The following MTA3 variants were observed in gnomAD, a reference collection of about 807,000 sequenced individuals.
MTA3 encodes metastasis-associated protein MTA3.
Under a neutral mutation model 83.5 loss-of-function variants are expected in MTA3, and 34 were observed. That is an observed-to-expected ratio of 0.41 (90% CI 0.31 to 0.54). MTA3 has a LOEUF of 0.54. Ranked by LOEUF, MTA3 falls within the 20% of genes least tolerant of loss-of-function variation. MTA3 has a pLI of 0.33. For missense variants in MTA3, 761 were observed against 726.4 expected, an observed-to-expected ratio of 1.05 and a Z score of -0.55; for synonymous variants, 303 against 252.7, an observed-to-expected ratio of 1.20 and a Z score of -1.89.
chr2:42,520,035 C>A (rs1675348664), intron 2 of MTA3, among the ~76,000 whole-genome samples: 1 of 152,040 alleles, frequency 6.6e-6, no homozygotes, highest in Non-Finnish European at 1.5e-5. Context: ...AGAGCCAGAC[C>A]TTGTCTCAAA....
chr2:42,506,894 A>G (rs1234415462), intron 2 of MTA3, among the ~76,000 whole-genome samples: 1 of 151,912 alleles, frequency 6.6e-6, no homozygotes, highest in African/African-American at 2.4e-5. Flanking sequence ...GGTGTGAGCC[A>G]CCGCGCCTGG....
At chr2:42,664,846 C>G (rs991396355) in intron 8 of MTA3, among the ~76,000 whole-genome samples, 1 of 152,038 alleles carries the variant, frequency 6.6e-6, no homozygotes, top group African/African-American at 2.4e-5. Flanking sequence ...AATCTGACAT[C>G]GATTTATCCG....
intron 2 of MTA3, among the ~76,000 whole-genome samples, chr2:42,570,772 A>T (rs1323836881): frequency 6.6e-6 from 1 of 152,050 alleles, no homozygotes; most frequent in African/African-American, 2.4e-5. Flanking sequence ...GCACTCTGGG[A>T]GGCTGAGGCG....
intron 9 of MTA3, among the ~76,000 whole-genome samples, chr2:42,695,191 CG>C (rs1196178028): frequency 6.6e-6 from 1 of 151,778 alleles, no homozygotes; most frequent in African/African-American, 2.4e-5. Context: ...AATGTATAAA[CG>C]GAATGAGAAA....
intron 2 of MTA3, among the ~76,000 whole-genome samples, chr2:42,530,364 G>GT (rs1348810676): frequency 6.6e-6 from 1 of 152,114 alleles, no homozygotes; most frequent in Non-Finnish European, 1.5e-5. Flanking sequence ...GCGGGCGCAT[G>GT]TAGTCCCAGC....
chr2:42,709,170 T>G, intron 14 of MTA3, 74 bp downstream of exon 14: 2 of 1,499,738 alleles, frequency 1.3e-6, no homozygotes. Context: ...CTTTCCTTTT[T>G]TTTTTGTTTG....
intron 2 of MTA3, among the ~76,000 whole-genome samples, chr2:42,548,108 T>C (rs1053879873): frequency 3.3e-5 from 5 of 152,202 alleles, no homozygotes; most frequent in Non-Finnish European, 7.3e-5. Context: ...CCCGTGACAT[T>C]ACAATCATCC....
chr2:42,575,202 G>A (rs1007308197), intron 2 of MTA3, among the ~76,000 whole-genome samples: 3 of 152,194 alleles, frequency 2.0e-5, no homozygotes, highest in Non-Finnish European at 2.9e-5. Flanking sequence ...TAGGAGGACC[G>A]TTTATTTGTG....
At chr2:42,681,415 T>C (rs1691898721) in intron 8 of MTA3, among the ~76,000 whole-genome samples, 1 of 152,244 alleles carries the variant, frequency 6.6e-6, no homozygotes. Context: ...GATTTTTTTC[T>C]CACTCTCTGA....
In MTA3 at chr2:42,496,608, GAAA is replaced by G. The variant is rs35316146; in HGVS notation, c.-141+1372_-141+1374del. Among the ~76,000 whole-genome samples the G allele has an allele frequency of 4.9e-3, 592 of 122,036 alleles. 4 individuals are homozygous for G. The highest frequency in any genetic ancestry group is 0.017 in the South Asian group (70 of 4,022). The allele number at this position is 122,036 out of a possible 152,430, so 80.1% of individuals were successfully genotyped here. A position where few individuals can be genotyped will look rare whatever the true frequency, so the allele number is the denominator to read the frequency against. On this transcript the variant is annotated intron_variant, in intron 2 of 17. Transcript: ENST00000405592. ...GAGGTTTTCTAGTTTCAGAACCTAG[GAAA>G]AAAAAAAAAAAAAAAAAGCAAATTA...
chr2:42,618,539 C>T (rs1306886973), intron 4 of MTA3, among the ~76,000 whole-genome samples: 5 of 152,178 alleles, frequency 3.3e-5, no homozygotes, highest in Admixed American at 6.5e-5. Flanking sequence ...GAAAAAGACA[C>T]TACTTCTCTC....
intron 2 of MTA3, among the ~76,000 whole-genome samples, chr2:42,578,587 C>T (rs1184764272): frequency 6.6e-6 from 1 of 152,172 alleles, no homozygotes; most frequent in Non-Finnish European, 1.5e-5. Context: ...ATGGCTGCTT[C>T]CCACCTGCAG....
chr2:42,640,260 TG>T, intron 5 of MTA3, 24 bp downstream of exon 5: 1 of 1,534,764 alleles, frequency 6.5e-7, no homozygotes, highest in Non-Finnish European at 8.9e-7. Context: ...ATAGTTGTTT[TG>T]TTTTTTTCTC....
At chr2:42,611,341 C>CACA (rs1462110821) in intron 4 of MTA3, among the ~76,000 whole-genome samples, 62 of 149,622 alleles carry the variant, frequency 4.1e-4, no homozygotes, top group South Asian at 1.3e-3. Flanking sequence ...ACACACACAC[C>CACA]CCCTCACACA....
At chr2:42,517,549 G>C (rs906284494) in intron 2 of MTA3, among the ~76,000 whole-genome samples, 1 of 139,772 alleles carries the variant, frequency 7.2e-6, no homozygotes, top group Non-Finnish European at 1.5e-5. Context: ...CTCCAGCCTT[G>C]GGGACAAGAG....
chr2:42,506,795 A>T (rs1443852201), intron 2 of MTA3, among the ~76,000 whole-genome samples: 1 of 151,898 alleles, frequency 6.6e-6, no homozygotes, highest in African/African-American at 2.4e-5. Flanking sequence ...TTTAGTAGAG[A>T]CGGGTTTCAC....
chr2:42,612,655 T>A (rs1030461024), intron 4 of MTA3, among the ~76,000 whole-genome samples: 2 of 152,222 alleles, frequency 1.3e-5, no homozygotes, highest in African/African-American at 4.8e-5. Flanking sequence ...TAGGTCAGGA[T>A]TCTGAGACCA....
At chr2:42,723,987 A>C (rs1030609726) in intron 16 of MTA3, among the ~76,000 whole-genome samples, 4 of 152,174 alleles carry the variant, frequency 2.6e-5, no homozygotes, top group South Asian at 2.1e-4. Context: ...TAGGTTATCA[A>C]TGTGTTAAGA....
intron 16 of MTA3, among the ~76,000 whole-genome samples, chr2:42,747,454 A>G (rs1204939772): frequency 6.6e-6 from 1 of 151,934 alleles, no homozygotes; most frequent in Non-Finnish European, 1.5e-5. Context: ...GAATACTAGC[A>G]TATGTTTTTG....
Sources: allele counts gnomAD v4.1 joint callset (sites outside exome capture counted in the v4.1 genomes callset), GRCh38; gene constraint gnomAD v4.1.1; transcripts MANE v1.5; gene names NCBI Gene and HGNC (gene_info 2026-07-23, HGNC 2026-07-21).